DCDC2: variants seen among roughly 807,000 people sequenced by gnomAD.
DCDC2 encodes the protein doublecortin domain-containing protein 2.
Under a neutral mutation model 50.2 loss-of-function variants are expected in DCDC2, and 40 were observed. The ratio of observed to expected loss-of-function variants is 0.80; its 90% CI spans 0.62 to 1.04. The LOEUF (loss-of-function observed/expected upper bound fraction) is 1.04. Among genes scored for constraint, DCDC2 ranks in the 50% least tolerant of loss-of-function variants. The probability of loss-of-function intolerance (pLI) is 0.00; values close to 1 mark genes in which losing one functional copy is unlikely to be tolerated. For missense variants in DCDC2, 570 were observed against 581.9 expected, an observed-to-expected ratio of 0.98 and a Z score of 0.21; for synonymous variants, 234 against 210.6, an observed-to-expected ratio of 1.11 and a Z score of -0.96.
chr6:24,229,490 C>T (rs529842930), intron 7 of DCDC2, among the ~76,000 whole-genome samples: 5 of 152,298 alleles, frequency 3.3e-5, no homozygotes, highest in East Asian at 3.9e-4. Flanking sequence ...TGCCGTGTAA[C>T]ATTTATCCAC....
intron 2 of DCDC2, among the ~76,000 whole-genome samples, chr6:24,305,736 G>A: frequency 6.6e-6 from 1 of 152,072 alleles, no homozygotes; most frequent in East Asian, 1.9e-4. Context: ...AAACATAAAT[G>A]CCACTTCAGG....
At chr6:24,293,082 G>T (rs1011569374) in intron 4 of DCDC2, among the ~76,000 whole-genome samples, 1 of 152,216 alleles carries the variant, frequency 6.6e-6, no homozygotes, top group Non-Finnish European at 1.5e-5. Flanking sequence ...TGTTTCCTCT[G>T]CAGGTAAGTA....
intron 5 of DCDC2, among the ~76,000 whole-genome samples, chr6:24,290,155 G>A (rs3929742): frequency 0.17 from 26,102 of 150,260 alleles, 2,192 homozygotes; most frequent in African/African-American, 0.18. Flanking sequence ...CACTACGCCC[G>A]GCTAATTTTT....
At chr6:24,316,172 C>T (rs1026462444) in intron 2 of DCDC2, among the ~76,000 whole-genome samples, 1 of 152,086 alleles carries the variant, frequency 6.6e-6, no homozygotes, top group Admixed American at 6.6e-5. Context: ...TTCATGCAGG[C>T]AGGCTGGGGC....
intron 2 of DCDC2, among the ~76,000 whole-genome samples, chr6:24,322,745 C>A (rs551696866): frequency 1.3e-5 from 2 of 152,184 alleles, no homozygotes; most frequent in East Asian, 3.9e-4. Flanking sequence ...GCCTGGAAGC[C>A]CCCACTTTGA....
chr6:24,266,960 G>A (rs1378690640), intron 7 of DCDC2, among the ~76,000 whole-genome samples: 1 of 152,054 alleles, frequency 6.6e-6, no homozygotes, highest in African/African-American at 2.4e-5. Context: ...CACACCCAGA[G>A]TATTATCAAC....
chr6:24,284,397 G>A (rs1022936533), intron 6 of DCDC2, among the ~76,000 whole-genome samples: 4 of 151,868 alleles, frequency 2.6e-5, no homozygotes, highest in Admixed American at 2.0e-4. Context: ...CATGAGGTCA[G>A]GAGTTCAAGA....
intron 7 of DCDC2, among the ~76,000 whole-genome samples, chr6:24,205,518 T>G (rs891272105): frequency 6.6e-6 from 1 of 152,100 alleles, no homozygotes; most frequent in Non-Finnish European, 1.5e-5. Flanking sequence ...GAGAATGCTA[T>G]GCATTCAATA....
chr6:24,181,324 A>G (rs1761065737), intron 8 of DCDC2, among the ~76,000 whole-genome samples: 1 of 152,206 alleles, frequency 6.6e-6, no homozygotes, highest in Non-Finnish European at 1.5e-5. Context: ...AAAGTCTCCA[A>G]TCTCTAACAA....
intron 7 of DCDC2, among the ~76,000 whole-genome samples, chr6:24,211,866 C>T (rs542980733): frequency 1.3e-5 from 2 of 152,226 alleles, no homozygotes; most frequent in East Asian, 1.9e-4. Context: ...ACCATGTTTG[C>T]GGTGATTTGT....
At chr6:24,325,714 C>T (rs1430095666) in intron 2 of DCDC2, among the ~76,000 whole-genome samples, 2 of 149,384 alleles carry the variant, frequency 1.3e-5, no homozygotes, top group African/African-American at 4.8e-5. Context: ...ACATTCTTCT[C>T]CCTCTCTCTT....
rs1433414795 is a variant in DCDC2 at position 24,301,211 on chromosome 6, A to G, written c.557+504T>C. Among the ~76,000 whole-genome samples the G allele has an allele frequency of 2.0e-5, 3 of 152,002 alleles. No individual in the cohort carries two copies. In the East Asian group the frequency reaches 5.8e-4, roughly 29 times the overall value. On this transcript the variant is annotated intron_variant, in intron 4 of 9. Coordinates refer to ENST00000378454, the MANE Select transcript of DCDC2 (RefSeq NM_016356.5). ...ATGGAGAAACCCCGTCTCTACTAAAAATACAAAAAATTAGCCGGGCGTGGT... is the reference window on the plus strand; with the variant it reads ...ATGGAGAAACCCCGTCTCTACTAAAGATACAAAAAATTAGCCGGGCGTGGT...
At chr6:24,192,656 A>G (rs1761339153) in intron 8 of DCDC2, among the ~76,000 whole-genome samples, 1 of 152,160 alleles carries the variant, frequency 6.6e-6, no homozygotes, top group South Asian at 2.1e-4. Flanking sequence ...CTTAGATGTT[A>G]AAAATAAAAT....
intron 7 of DCDC2, among the ~76,000 whole-genome samples, chr6:24,247,134 G>A (rs1762694732): frequency 6.6e-6 from 1 of 152,078 alleles, no homozygotes; most frequent in South Asian, 2.1e-4. Context: ...TCTCCAGCCA[G>A]TACCCACCAC....
chr6:24,294,217 G>A (rs807713), intron 4 of DCDC2, among the ~76,000 whole-genome samples: 1,525 of 152,100 alleles, frequency 0.01, 29 homozygotes, highest in African/African-American at 0.034. Flanking sequence ...AAATTAGCTG[G>A]GTATGGTGGC....
At position 24,288,854 on chromosome 6, in the gene DCDC2, T is replaced by A. The variant is rs956746609; in HGVS notation, c.757A>T (p.Ser253Cys). 6.2e-7 allele frequency: 1 copy of A among 1,611,726 alleles called. No individual in the cohort carries two copies. Among genetic ancestry groups the A allele is most frequent in the Admixed American group, 1.7e-5 (1 of 59,904 alleles). The part of the protein sequence containing the change: ...PIVGSRKSKG[S>C]GNDRHSKSTV... ...CGAGGAAAGCATCTGATACTTACACTCCCTTTAGACTTTCTGGATCCTACA... is the reference window on the plus strand; with the variant it reads ...CGAGGAAAGCATCTGATACTTACACACCCTTTAGACTTTCTGGATCCTACA... Residue 253 changes from serine (S) to cysteine (C), a missense_variant and splice_region_variant, in exon 6 of 10, where the codon AGT (serine) becomes TGT (cysteine). Coordinates refer to ENST00000378454, the MANE Select transcript of DCDC2 (RefSeq NM_016356.5).
intron 2 of DCDC2, among the ~76,000 whole-genome samples, chr6:24,341,297 C>G (rs1243956912): frequency 2.6e-5 from 4 of 152,148 alleles, no homozygotes; most frequent in Admixed American, 1.3e-4. Context: ...CTACCCCCAG[C>G]TAAGAGGTGG....
At position 24,357,446 on chromosome 6, in the gene DCDC2, A is replaced by T. The variant is rs760235758; in HGVS notation, c.293+12T>A. ...CACCTAAATGGGTGGGCGGTGGGGG[A>T]GACCGACTCACTTGAGTTTCTTGAA... is the stretch of plus-strand genomic sequence containing the variant. On this transcript the variant is annotated intron_variant, in intron 1 of 9. Transcript: ENST00000378454. 6.3e-7 allele frequency: 1 copy of T among 1,585,536 alleles called. No homozygotes were observed. The highest frequency in any genetic ancestry group is 1.7e-5 in the Admixed American group (1 of 57,658).
At position 24,278,072 on chromosome 6, in the gene DCDC2, G is replaced by T. The variant is rs766172465; in HGVS notation, c.899C>A (p.Ser300Ter). 2 of 1,611,972 alleles carry T rather than the reference G, an allele frequency of 1.2e-6. No homozygotes were observed. The highest frequency in any genetic ancestry group is 3.3e-5 in the Admixed American group (2 of 59,822). The change falls in exon 7 of 10, where the codon TCA (serine) becomes TAA (stop). Residue 300 changes from serine (S) to a stop codon, truncating the protein, a stop_gained. Transcript: ENST00000378454. LOFTEE classifies it high-confidence loss of function. ...ACCACTATTTGGAATGGTTTCTTGT[G>T]AATTCTTTAATTTTACATTTTGTTT... is the stretch of plus-strand genomic sequence containing the variant. ...KLKQNVKLKNSQETIPNSDEG... is the reference protein window; with the variant it reads ...KLKQNVKLKN
Sources: gnomAD v4.1 joint callset for allele counts (sites outside exome capture counted in the v4.1 genomes callset) on GRCh38, gnomAD v4.1.1 for gene constraint, MANE v1.5 for transcripts, NCBI Gene and HGNC (gene_info 2026-07-23, HGNC 2026-07-21) for gene names.